The following NRCAM variants were observed in gnomAD, a reference collection of about 807,000 sequenced individuals.
NRCAM encodes the protein neuronal cell adhesion molecule.
Under a neutral mutation model 156.5 loss-of-function variants are expected in NRCAM, and 83 were observed. That is an observed-to-expected ratio of 0.53 (90% CI 0.44 to 0.64). The LOEUF (loss-of-function observed/expected upper bound fraction) is 0.64. Among genes scored for constraint, NRCAM ranks in the 30% least tolerant of loss-of-function variants. NRCAM has a pLI of 0.00. For missense variants in NRCAM, 1,417 were observed against 1,597.3 expected, an observed-to-expected ratio of 0.89 and a Z score of 1.92; for synonymous variants, 538 against 563.9, an observed-to-expected ratio of 0.95 and a Z score of 0.65.
At chr7:108,323,897 C>T (rs989197716) in intron 2 of NRCAM, among the ~76,000 whole-genome samples, 3 of 152,012 alleles carry the variant, frequency 2.0e-5, no homozygotes, top group Admixed American at 6.5e-5. Flanking sequence ...AGAGCCACTG[C>T]GAAAGGGCTT....
At chr7:108,178,581 C>T (rs1369210195) in intron 25 of NRCAM, among the ~76,000 whole-genome samples, 1 of 152,178 alleles carries the variant, frequency 6.6e-6, no homozygotes, top group Non-Finnish European at 1.5e-5. Flanking sequence ...CCAGCATGCC[C>T]AGGTGCAGAA....
intron 2 of NRCAM, among the ~76,000 whole-genome samples, chr7:108,371,353 C>T (rs1048555461): frequency 1.3e-5 from 2 of 152,034 alleles, no homozygotes; most frequent in African/African-American, 4.8e-5. Flanking sequence ...TCTTGTTCAG[C>T]AACCTCCCCC....
At chr7:108,425,418 G>A (rs1033560178) in intron 1 of NRCAM, among the ~76,000 whole-genome samples, 5 of 152,054 alleles carry the variant, frequency 3.3e-5, no homozygotes, top group Non-Finnish European at 7.4e-5. Context: ...TGGGAATCTG[G>A]CCCCAGAAGA....
chr7:108,214,064 C>T (rs1165434087), intron 11 of NRCAM, among the ~76,000 whole-genome samples: 1 of 152,074 alleles, frequency 6.6e-6, no homozygotes, highest in African/African-American at 2.4e-5. Context: ...TTTCTACTTT[C>T]GTTGTGTCTC....
intron 30 of NRCAM, among the ~76,000 whole-genome samples, chr7:108,164,957 G>A (rs1313057484): frequency 1.3e-5 from 2 of 152,128 alleles, no homozygotes; most frequent in Admixed American, 6.5e-5. Flanking sequence ...TAAAGGAGTT[G>A]TCTTTTGTCC....
At chr7:108,387,892 C>G (rs2099746283) in intron 2 of NRCAM, among the ~76,000 whole-genome samples, 1 of 152,088 alleles carries the variant, frequency 6.6e-6, no homozygotes, top group South Asian at 2.1e-4. Context: ...ATAAACTCAT[C>G]CTTTTTTATG....
intron 1 of NRCAM, among the ~76,000 whole-genome samples, chr7:108,423,590 A>C (rs1813116811): frequency 6.6e-6 from 1 of 152,240 alleles, no homozygotes; most frequent in South Asian, 2.1e-4. Context: ...AAAATACAAA[A>C]CCAAGAAGCA....
chr7:108,319,565 A>T (rs2098975656), intron 2 of NRCAM, among the ~76,000 whole-genome samples: 1 of 152,220 alleles, frequency 6.6e-6, no homozygotes, highest in South Asian at 2.1e-4. Flanking sequence ...CAATGGCAGA[A>T]GATAGATATT....
chr7:108,440,497 C>T (rs967837159), intron 1 of NRCAM, among the ~76,000 whole-genome samples: 1 of 152,148 alleles, frequency 6.6e-6, no homozygotes, highest in Non-Finnish European at 1.5e-5. Context: ...TTACAGTAAT[C>T]ACTTCAGACA....
At chr7:108,353,369 T>C (rs2099439438) in intron 2 of NRCAM, among the ~76,000 whole-genome samples, 1 of 151,636 alleles carries the variant, frequency 6.6e-6, no homozygotes, top group Non-Finnish European at 1.5e-5. Flanking sequence ...TATTTTTATT[T>C]TGAGACAGGG....
At chr7:108,303,417 A>T (rs1322074723) in intron 3 of NRCAM, among the ~76,000 whole-genome samples, 6 of 152,076 alleles carry the variant, frequency 3.9e-5, no homozygotes, top group Admixed American at 3.9e-4. Context: ...ACAGTGGCCC[A>T]AGCTCTATTG....
Position 108,225,682 on chromosome 7 carries a change from A to T in NRCAM, c.741T>A (p.Thr247=). The T allele has an allele frequency of 6.3e-7, 1 of 1,599,976 alleles. No individual in the cohort carries two copies. The highest frequency in any genetic ancestry group is 2.2e-5 in the East Asian group (1 of 44,798). ...CAGTGTCACTCAAATTAGCAGCTAT[A>T]GTGTCATTCAATTCATCCACTGAAA... ...KVISVDELND[T]IAANLSDTEF... Residue 247 remains threonine, a synonymous_variant, in exon 10 of 33, where the codon ACT becomes ACA. Coordinates refer to ENST00000379028, the MANE Select transcript of NRCAM (RefSeq NM_001037132.4).
intron 2 of NRCAM, among the ~76,000 whole-genome samples, chr7:108,376,481 C>T (rs774640252): frequency 2.0e-5 from 3 of 152,074 alleles, no homozygotes; most frequent in African/African-American, 4.8e-5. Flanking sequence ...ATGTGCAGGG[C>T]AGGTGTGGCT....
intron 1 of NRCAM, among the ~76,000 whole-genome samples, chr7:108,408,930 G>T (rs906081270): frequency 6.6e-6 from 1 of 152,112 alleles, no homozygotes; most frequent in Non-Finnish European, 1.5e-5. Context: ...TCAATTCCTT[G>T]TCGCCTCCTA....
chr7:108,153,129 A>G (rs1052160240), intron 32 of NRCAM, among the ~76,000 whole-genome samples: 3 of 152,158 alleles, frequency 2.0e-5, no homozygotes, highest in East Asian at 1.9e-4. Context: ...TCCAAAACCA[A>G]TAAGAATGCT....
At chr7:108,255,512 G>GCTACAACCTCCACCTCC (rs2096593978) in intron 3 of NRCAM, among the ~76,000 whole-genome samples, 1 of 152,090 alleles carries the variant, frequency 6.6e-6, no homozygotes, top group African/African-American at 2.4e-5. Flanking sequence ...ATCTCGGCTC[G>GCTACAACCTCCACCTCC]CTACAACCTC....
At chr7:108,177,635 A>ATATATATG (rs1260533488) in intron 26 of NRCAM, among the ~76,000 whole-genome samples, 1 of 10,036 alleles carries the variant, frequency 1.0e-4, no homozygotes, top group African/African-American at 4.7e-4. Context: ...ATATATATAT[A>ATATATATG]TATATATATA....
rs563690748 is a variant in NRCAM at position 108,447,883 on chromosome 7, T to C, written c.-332+8360A>G. On this transcript the variant is annotated intron_variant, in intron 1 of 32. Transcript: ENST00000379028. ...ATTGAGTGCTATGAAGTGGAGACTA[T>C]TCTCCATTAGCCAGGCAATAGCCAT... 5.5e-3 allele frequency among the ~76,000 whole-genome samples: 840 copies of C among 152,368 alleles called. 6 individuals are homozygous for C. Among genetic ancestry groups the C allele is most frequent in the South Asian group, 0.018 (88 of 4,822 alleles).
chr7:108,379,454 G>A (rs941537293), intron 2 of NRCAM, among the ~76,000 whole-genome samples: 4 of 152,140 alleles, frequency 2.6e-5, no homozygotes, highest in East Asian at 1.9e-4. Context: ...GTAGAATGGC[G>A]ACAGGAGCTG....
Sources: gnomAD v4.1 joint callset for allele counts (sites outside exome capture counted in the v4.1 genomes callset) on GRCh38, gnomAD v4.1.1 for gene constraint, MANE v1.5 for transcripts, NCBI Gene and HGNC (gene_info 2026-07-23, HGNC 2026-07-21) for gene names.